DENND1B: variants seen among roughly 807,000 people sequenced by gnomAD.
DENND1B encodes DENN domain-containing protein 1B.
In DENND1B, 59 loss-of-function variants were observed where a neutral mutation model predicts 90.1. That is an observed-to-expected ratio of 0.65 (90% CI 0.53 to 0.81). DENND1B has a LOEUF of 0.81. Ranked by LOEUF, DENND1B falls within the 40% of genes least tolerant of loss-of-function variation. The probability of loss-of-function intolerance (pLI) is 0.00; values close to 1 mark genes in which losing one functional copy is unlikely to be tolerated. For missense variants in DENND1B, 862 were observed against 912.6 expected (o/e 0.94, Z 0.71); for synonymous variants, 337 against 324.6 (o/e 1.04, Z -0.41).
intron 15 of DENND1B, among the ~76,000 whole-genome samples, chr1:197,572,449 A>C (rs559493411): frequency 7.3e-4 from 111 of 152,320 alleles, no homozygotes; most frequent in Middle Eastern, 6.8e-3. Flanking sequence ...GCAGCTCAGC[A>C]AGGCCTACTG....
At chr1:197,671,869 A>C (rs941810823) in intron 5 of DENND1B, among the ~76,000 whole-genome samples, 168 bp downstream of exon 5, 1 of 152,114 alleles carries the variant, frequency 6.6e-6, no homozygotes, top group African/African-American at 2.4e-5. Flanking sequence ...CCACTATGTT[A>C]ATGGTAAATC....
At chr1:197,516,540 G>T (rs977459011) in intron 20 of DENND1B, among the ~76,000 whole-genome samples, 3 of 151,726 alleles carry the variant, frequency 2.0e-5, no homozygotes, top group Non-Finnish European at 2.9e-5. Context: ...GTGTTCTGGT[G>T]GGTTGCGACT....
intron 3 of DENND1B, among the ~76,000 whole-genome samples, chr1:197,699,600 G>A (rs1171570868): frequency 6.6e-6 from 1 of 152,026 alleles, no homozygotes; most frequent in African/African-American, 2.4e-5. Context: ...ACTCAAATAG[G>A]AAGAGAGGAA....
chr1:197,565,173 G>T lies in DENND1B; in HGVS notation c.1150-12061C>A, dbSNP rs150436784. On this transcript the variant is annotated intron_variant, in intron 15 of 22. Transcript: ENST00000620048. ...TACCATGAATCACTATCATGAAAAA[G>T]AATAATAGGAAAATGTAGAAATCTG... Among the ~76,000 whole-genome samples the T allele has an allele frequency of 7.2e-5, 11 of 152,016 alleles. No homozygotes were observed. The East Asian group carries it at 2.1e-3, about 29-fold the overall frequency.
chr1:197,757,506 A>G (rs1558487527), intron 2 of DENND1B: 1 of 152,178 alleles, frequency 6.6e-6, no homozygotes, highest in African/African-American at 2.4e-5. Context: ...TACCATACAA[A>G]TATTGTCATT....
chr1:197,531,067 G>T (rs1669576471), intron 20 of DENND1B, among the ~76,000 whole-genome samples: 1 of 152,062 alleles, frequency 6.6e-6, no homozygotes, highest in South Asian at 2.1e-4. Flanking sequence ...GTAGAACTCT[G>T]GGCACATTTA....
At chr1:197,697,857 A>G (rs530223559) in intron 3 of DENND1B, among the ~76,000 whole-genome samples, 71 of 152,206 alleles carry the variant, frequency 4.7e-4, no homozygotes, top group African/African-American at 1.7e-3. Context: ...ACAATTCAAC[A>G]AGAAGAGTTA....
chr1:197,726,988 A>G (rs1661698921), intron 2 of DENND1B, among the ~76,000 whole-genome samples: 1 of 152,232 alleles, frequency 6.6e-6, no homozygotes, highest in South Asian at 2.1e-4. Context: ...ATGAAAGTAG[A>G]GATGTGAATA....
Position 197,583,149 on chromosome 1 carries a change from T to C in DENND1B, c.1149+3A>G. 6.2e-7 allele frequency: 1 copy of C among 1,613,140 alleles called. No homozygotes were observed. The highest frequency in any genetic ancestry group is 8.5e-7 in the Non-Finnish European group (1 of 1,179,170). On this transcript the variant is annotated splice_donor_region_variant and intron_variant, in intron 15 of 22. Transcript: ENST00000620048. ...AAAGAAAAATGTGGAGGTCCACTCTTACCTGCTTAAAAAGCTGGAGGTTAA... is the reference window on the plus strand; with the variant it reads ...AAAGAAAAATGTGGAGGTCCACTCTCACCTGCTTAAAAAGCTGGAGGTTAA...
intron 3 of DENND1B, among the ~76,000 whole-genome samples, chr1:197,705,071 T>C (rs1275063252): frequency 6.6e-6 from 1 of 151,776 alleles, no homozygotes; most frequent in African/African-American, 2.4e-5. Context: ...ATGGTAAGAG[T>C]GAAACAAAGA....
Position 197,546,713 on chromosome 1 carries a change from A to G in DENND1B, c.1281+20T>C. 1 of 1,539,872 alleles carries G rather than the reference A, an allele frequency of 6.5e-7. No homozygotes were observed. The highest frequency in any genetic ancestry group is 1.2e-5 in the South Asian group (1 of 81,100). ...ATTTATATTAGAGTGAAAGAATAAC[A>G]TTTGAAAGCTTATGATTACCTTGAC... On this transcript the variant is annotated intron_variant, in intron 17 of 22. Transcript: ENST00000620048.
At chr1:197,638,261 A>C (rs1679962403) in intron 10 of DENND1B, among the ~76,000 whole-genome samples, 1 of 152,208 alleles carries the variant, frequency 6.6e-6, no homozygotes, top group Non-Finnish European at 1.5e-5. Flanking sequence ...CCCCAAAACA[A>C]CATGCACTAC....
At chr1:197,640,202 G>A (rs1011455582) in intron 10 of DENND1B, among the ~76,000 whole-genome samples, 1 of 152,150 alleles carries the variant, frequency 6.6e-6, no homozygotes, top group Admixed American at 6.5e-5. Context: ...GCCGGGTGCG[G>A]TGGCTCACGC....
At chr1:197,681,651 T>C (rs1427026493) in intron 3 of DENND1B, among the ~76,000 whole-genome samples, 4 of 152,178 alleles carry the variant, frequency 2.6e-5, no homozygotes, top group African/African-American at 7.2e-5. Flanking sequence ...GAGAACATCC[T>C]TTTTCTATCA....
At chr1:197,695,726 A>G (rs984903530) in intron 3 of DENND1B, among the ~76,000 whole-genome samples, 1 of 151,174 alleles carries the variant, frequency 6.6e-6, no homozygotes, top group African/African-American at 2.4e-5. Context: ...GTTAAAAATG[A>G]CAGAATCAAG....
intron 15 of DENND1B, among the ~76,000 whole-genome samples, chr1:197,555,761 G>A (rs967548281): frequency 2.6e-5 from 4 of 152,116 alleles, no homozygotes; most frequent in African/African-American, 7.2e-5. Context: ...CGGTGAGAGT[G>A]CAAATTAGTT....
At chr1:197,558,960 A>T (rs1340665817) in intron 15 of DENND1B, among the ~76,000 whole-genome samples, 1 of 151,956 alleles carries the variant, frequency 6.6e-6, no homozygotes, top group East Asian at 1.9e-4. Context: ...AATAGACTCC[A>T]TAGGAGGCTT....
At chr1:197,731,818 G>A (rs1008051560) in intron 2 of DENND1B, among the ~76,000 whole-genome samples, 2 of 151,876 alleles carry the variant, frequency 1.3e-5, no homozygotes, top group Non-Finnish European at 2.9e-5. Context: ...GGACAAGCTT[G>A]CTATACATGA....
chr1:197,642,614 T>TA (rs1680363595), intron 10 of DENND1B, 97 bp downstream of exon 10: 1 of 752,306 alleles, frequency 1.3e-6, no homozygotes, highest in South Asian at 2.0e-5. Flanking sequence ...TATTGTCTTA[T>TA]AAGTACACAT....
Sources: allele counts gnomAD v4.1 joint callset (sites outside exome capture counted in the v4.1 genomes callset), GRCh38; gene constraint gnomAD v4.1.1; transcripts MANE v1.5; gene names NCBI Gene and HGNC (gene_info 2026-07-23, HGNC 2026-07-21).